MAMDC2: variants seen among roughly 807,000 people sequenced by gnomAD.
MAMDC2 encodes MAM domain containing 2.
A neutral mutation model predicts 89.8 loss-of-function variants in MAMDC2; 57 were observed. The observed-to-expected ratio is 0.63, with a 90% CI of 0.51 to 0.79. The LOEUF (loss-of-function observed/expected upper bound fraction) is 0.79, where lower values mean the gene tolerates loss of function less well. Ranked by LOEUF, MAMDC2 falls within the 30% of genes least tolerant of loss-of-function variation. The pLI is 0.00. For missense variants in MAMDC2, 800 were observed against 820.6 expected, an observed-to-expected ratio of 0.97 and a Z score of 0.31; for synonymous variants, 313 against 293.4, an observed-to-expected ratio of 1.07 and a Z score of -0.68.
intron 2 of MAMDC2, among the ~76,000 whole-genome samples, chr9:70,089,821 T>G (rs1163664646): frequency 2.6e-5 from 4 of 152,216 alleles, no homozygotes; most frequent in African/African-American, 9.6e-5. Context: ...GATTAGCACA[T>G]GACTTGACCC....
In MAMDC2 at chr9:70,225,981, A is replaced by G; in HGVS notation, c.2010A>G (p.Thr670=). The G allele has an allele frequency of 1.3e-6, 2 of 1,583,720 alleles. No individual in the cohort carries two copies. The highest frequency in any genetic ancestry group is 1.7e-6 in the Non-Finnish European group (2 of 1,160,626). Residue 670 remains threonine, a synonymous_variant, in exon 14 of 14, where the codon ACA becomes ACG. Transcript: ENST00000377182. ...QAGPCGEMED[T]TQQSSGYSED... ...CTTTCCTGACAGAAATGGAAGATACAACTCAACAATCATCAGGATATTCTG... is the reference window on the plus strand; with the variant it reads ...CTTTCCTGACAGAAATGGAAGATACGACTCAACAATCATCAGGATATTCTG...
intron 9 of MAMDC2, among the ~76,000 whole-genome samples, chr9:70,149,078 G>T: frequency 6.7e-6 from 1 of 148,224 alleles, no homozygotes; most frequent in Non-Finnish European, 1.5e-5. Context: ...AGGCATGGTG[G>T]TGCAAGCCTA....
intron 2 of MAMDC2, among the ~76,000 whole-genome samples, chr9:70,064,250 A>G (rs905194985): frequency 2.0e-5 from 3 of 151,840 alleles, no homozygotes; most frequent in Non-Finnish European, 4.4e-5. Flanking sequence ...GATTTATGAG[A>G]TCTTTGTGCC....
intron 11 of MAMDC2, 96 bp downstream of exon 11, chr9:70,170,727 C>T (rs2032314663): frequency 4.9e-6 from 6 of 1,216,488 alleles, no homozygotes; most frequent in Non-Finnish European, 6.7e-6. Context: ...AAAATTATGT[C>T]TTGTGTCTAT....
At position 70,218,491 on chromosome 9, in the gene MAMDC2, A is replaced by T; in HGVS notation, c.1806A>T (p.Lys602Asn). 1 of 1,614,214 alleles carries T rather than the reference A, an allele frequency of 6.2e-7. No homozygotes were observed. The change falls in exon 12 of 14, where the codon AAA (lysine) becomes AAT (asparagine). Residue 602 changes from lysine (K) to asparagine (N), a missense_variant. Physicochemically the swap from Lys to Asn is moderately conservative, Grantham distance 94. Coordinates refer to ENST00000377182, the MANE Select transcript of MAMDC2 (RefSeq NM_153267.5). ...CTGGCCTGCTGAGTGTTTATCTGAA[A>T]AAGGAAGAAGACAGTGAAGAGTCCC... ...GGTGLLSVYL[K>N]KEEDSEESLL... is the part of the protein sequence containing the mutation.
chr9:70,218,801 A>C (rs1451955172), intron 12 of MAMDC2, among the ~76,000 whole-genome samples: 2 of 152,248 alleles, frequency 1.3e-5, no homozygotes, highest in African/African-American at 4.8e-5. Flanking sequence ...GAATTTATGC[A>C]TAAAGTGATT....
chr9:70,118,968 T>A (rs1488539694), intron 5 of MAMDC2, among the ~76,000 whole-genome samples: 1 of 152,192 alleles, frequency 6.6e-6, no homozygotes, highest in African/African-American at 2.4e-5. Flanking sequence ...CCCAAATTAG[T>A]GTCTGATGAT....
chr9:70,069,002 T>C (rs1443713433), intron 2 of MAMDC2, among the ~76,000 whole-genome samples: 2 of 152,162 alleles, frequency 1.3e-5, no homozygotes, highest in Non-Finnish European at 2.9e-5. Context: ...AATGAAAGAA[T>C]GGTTCAATGT....
intron 2 of MAMDC2, among the ~76,000 whole-genome samples, chr9:70,068,677 G>A (rs944818686): frequency 9.7e-5 from 13 of 133,998 alleles, no homozygotes; most frequent in East Asian, 4.7e-4. Context: ...CAGTGAGATC[G>A]CACCACTGCA....
intron 11 of MAMDC2, among the ~76,000 whole-genome samples, chr9:70,182,759 T>A (rs569754149): frequency 2.4e-4 from 36 of 152,312 alleles, no homozygotes; most frequent in Admixed American, 5.2e-4. Context: ...TTTTTATTAG[T>A]CTGAGCGGTC....
chr9:70,189,632 G>A (rs2118598252), intron 11 of MAMDC2, among the ~76,000 whole-genome samples: 1 of 152,150 alleles, frequency 6.6e-6, no homozygotes, highest in South Asian at 2.1e-4. Flanking sequence ...TAAAAATCAG[G>A]TTTGAAAAGG....
intron 11 of MAMDC2, among the ~76,000 whole-genome samples, chr9:70,204,317 G>A (rs1275609601): frequency 6.6e-6 from 1 of 151,996 alleles, no homozygotes; most frequent in Non-Finnish European, 1.5e-5. Context: ...ACCCTACTGT[G>A]TGAGGTGTCA....
At chr9:70,168,555 C>T in intron 9 of MAMDC2, 147 bp from the exon 10 acceptor site, 1 of 606,072 alleles carries the variant, frequency 1.6e-6, no homozygotes, top group African/African-American at 1.9e-5. Context: ...CATTCTTCTT[C>T]CTACTGTGTT....
intron 2 of MAMDC2, among the ~76,000 whole-genome samples, chr9:70,062,088 C>T (rs934602446): frequency 6.6e-6 from 1 of 152,176 alleles, no homozygotes; most frequent in Non-Finnish European, 1.5e-5. Flanking sequence ...GTTTTCTTAA[C>T]AGAAGTTTAA....
At chr9:70,101,276 T>C (rs2997703) in intron 2 of MAMDC2, among the ~76,000 whole-genome samples, 1 of 152,256 alleles carries the variant, frequency 6.6e-6, no homozygotes, top group Non-Finnish European at 1.5e-5. Flanking sequence ...AGTTGTTACA[T>C]AAGAGTCAAA....
At chr9:70,212,385 T>C (rs7875514) in intron 11 of MAMDC2, among the ~76,000 whole-genome samples, 118,850 of 151,760 alleles carry the variant, frequency 0.78, 46,672 homozygotes, top group Admixed American at 0.83. Flanking sequence ...GACTGCCGTG[T>C]TAGCAGTGAG....
intron 9 of MAMDC2, among the ~76,000 whole-genome samples, chr9:70,152,663 T>C (rs924750013): frequency 2.6e-5 from 4 of 152,050 alleles, no homozygotes; most frequent in Admixed American, 6.6e-5. Context: ...TGAAAAAAAT[T>C]TGGACTTTAT....
At chr9:70,103,619 A>G (rs927369026) in intron 2 of MAMDC2, among the ~76,000 whole-genome samples, 2 of 152,080 alleles carry the variant, frequency 1.3e-5, no homozygotes, top group Non-Finnish European at 2.9e-5. Context: ...AGAAAAAAAA[A>G]AACTAAAAAT....
At chr9:70,104,259 C>T (rs1001732163) in intron 2 of MAMDC2, among the ~76,000 whole-genome samples, 2 of 151,980 alleles carry the variant, frequency 1.3e-5, no homozygotes, top group Non-Finnish European at 2.9e-5. Flanking sequence ...CAATTCACAT[C>T]AATTCACTAA....
Sources: allele counts gnomAD v4.1 joint callset (sites outside exome capture counted in the v4.1 genomes callset), GRCh38; gene constraint gnomAD v4.1.1; transcripts MANE v1.5; gene names NCBI Gene and HGNC (gene_info 2026-07-23, HGNC 2026-07-21).